The following ZNF248 variants were observed in gnomAD, a reference collection of about 807,000 sequenced individuals.
ZNF248 encodes zinc finger protein 248, also known as KRAB protein domain.
ZNF248 carries 20 observed loss-of-function variants against 44.3 expected under a neutral mutation model. The ratio of observed to expected loss-of-function variants is 0.45; its 90% CI spans 0.32 to 0.66. ZNF248 has a LOEUF of 0.66. Among genes scored for constraint, ZNF248 ranks in the 30% least tolerant of loss-of-function variants. The pLI is 0.04. For synonymous variants in ZNF248, 224 were observed against 229.0 expected, an observed-to-expected ratio of 0.98 and a Z score of 0.20; for missense variants, 654 against 677.0, an observed-to-expected ratio of 0.97 and a Z score of 0.38.
chr10:37,834,496 C>T (rs2056671823), intron 5 of ZNF248, among the ~76,000 whole-genome samples: 1 of 152,064 alleles, frequency 6.6e-6, no homozygotes, highest in African/African-American at 2.4e-5. Context: ...ATGATCTCTC[C>T]TAAATCTGGC....
chr10:37,821,938 C>T (rs577983214), intron 6 of ZNF248, among the ~76,000 whole-genome samples: 4 of 152,282 alleles, frequency 2.6e-5, no homozygotes, highest in East Asian at 1.9e-4. Flanking sequence ...ACCAGTTCTA[C>T]GCCCAGAACC....
the ZNF248 span, among the ~76,000 whole-genome samples, chr10:37,765,725 G>A: frequency 6.6e-6 from 1 of 152,206 alleles, no homozygotes; most frequent in Non-Finnish European, 1.5e-5. Flanking sequence ...CTAAGGTACT[G>A]GGTTCATCTC....
chr10:37,820,144 A>T (rs1564530894), intron 6 of ZNF248: 1 of 1,094,530 alleles, frequency 9.1e-7, no homozygotes, highest in African/African-American at 1.5e-5. Context: ...TAAATCATCT[A>T]TTCTTCCCTC....
chr10:37,790,037 G>A (rs1487067322), intron 6 of ZNF248, among the ~76,000 whole-genome samples: 4 of 150,978 alleles, frequency 2.6e-5, no homozygotes, highest in Admixed American at 2.0e-4. Flanking sequence ...TGAGGTGGGC[G>A]GATCACAAGG....
the ZNF248 span, among the ~76,000 whole-genome samples, chr10:37,765,999 C>T: frequency 2.2e-3 from 336 of 152,374 alleles, 1 homozygote; most frequent in African/African-American, 7.5e-3. Flanking sequence ...CCCACGGAGT[C>T]TCACTGATTG....
At chr10:37,758,693 T>C in the ZNF248 span, among the ~76,000 whole-genome samples, 1 of 152,350 alleles carries the variant, frequency 6.6e-6, no homozygotes, top group African/African-American at 2.4e-5. Context: ...TATTGCCTCA[T>C]GCAAGAAAAA....
chr10:37,845,018 TTTC>T (rs1456997465), intron 3 of ZNF248, among the ~76,000 whole-genome samples: 1 of 147,026 alleles, frequency 6.8e-6, no homozygotes, highest in African/African-American at 2.5e-5. Flanking sequence ...TCTCTCTTTC[TTTC>T]TTGTTTTTTT....
chr10:37,841,954 T>G (rs1207246135), intron 3 of ZNF248, among the ~76,000 whole-genome samples: 3 of 152,036 alleles, frequency 2.0e-5, no homozygotes, highest in African/African-American at 7.2e-5. Flanking sequence ...AAGAAGAGCC[T>G]AAGGAGACAT....
the ZNF248 span, among the ~76,000 whole-genome samples, chr10:37,770,802 C>T: frequency 6.2e-4 from 95 of 152,070 alleles, no homozygotes; most frequent in Middle Eastern, 0.014. Context: ...AGCTTCTGCA[C>T]AGCAAAAGAA....
intron 6 of ZNF248, chr10:37,819,702 C>A (rs1348681116): frequency 2.5e-6 from 2 of 786,170 alleles, no homozygotes; most frequent in Non-Finnish European, 4.7e-6. Flanking sequence ...TTGAAGATTT[C>A]TTCTTGTTCA....
intron 3 of ZNF248, among the ~76,000 whole-genome samples, chr10:37,843,010 CAA>C (rs930412010): frequency 4.6e-5 from 7 of 152,160 alleles, no homozygotes; most frequent in Admixed American, 1.3e-4. Flanking sequence ...AGCGCAGAGT[CAA>C]TGTGCAAAGA....
the ZNF248 span, among the ~76,000 whole-genome samples, chr10:37,769,720 G>T: frequency 6.6e-6 from 1 of 152,230 alleles, no homozygotes; most frequent in South Asian, 2.1e-4. Context: ...CACAAGACAG[G>T]GATGCCCTCT....
At chr10:37,796,701 T>C (rs561465792) in intron 6 of ZNF248, among the ~76,000 whole-genome samples, 2 of 152,226 alleles carry the variant, frequency 1.3e-5, no homozygotes, top group South Asian at 4.1e-4. Context: ...GGTTACCTTT[T>C]TTTTTTTTGC....
chr10:37,808,270 C>T (rs533724328), intron 6 of ZNF248, among the ~76,000 whole-genome samples: 2 of 149,736 alleles, frequency 1.3e-5, no homozygotes, highest in Non-Finnish European at 3.0e-5. Context: ...TGGTATATAA[C>T]CTTTTTTCTT....
chr10:37,820,716 A>G, intron 6 of ZNF248: 1 of 1,339,402 alleles, frequency 7.5e-7, no homozygotes, highest in Non-Finnish European at 1.1e-6. Context: ...TCACTCAAGG[A>G]TCCCATGCTG....
the ZNF248 span, among the ~76,000 whole-genome samples, chr10:37,765,158 T>C: frequency 6.6e-6 from 1 of 152,078 alleles, no homozygotes; most frequent in Non-Finnish European, 1.5e-5. Context: ...GGTTTCTCCA[T>C]GTCAGCCAGG....
chr10:37,777,896 C>T (rs1221944540), intron 6 of ZNF248, among the ~76,000 whole-genome samples: 36 of 152,004 alleles, frequency 2.4e-4, no homozygotes, highest in East Asian at 7.8e-4. Context: ...TAGTATTCCA[C>T]GGTGTATATG....
At chr10:37,845,041 G>A (rs1473822237) in intron 3 of ZNF248, among the ~76,000 whole-genome samples, 1 of 50,228 alleles carries the variant, frequency 2.0e-5, no homozygotes, top group Non-Finnish European at 4.3e-5. Context: ...TGGAGATGGG[G>A]GTCTCACTCT....
intron 3 of ZNF248, among the ~76,000 whole-genome samples, chr10:37,845,253 A>G (rs2059132203): frequency 6.6e-6 from 1 of 151,968 alleles, no homozygotes; most frequent in African/African-American, 2.4e-5. Context: ...CCTGGACTCA[A>G]GCGATTCACC....
Sources: allele counts gnomAD v4.1 joint callset (sites outside exome capture counted in the v4.1 genomes callset), GRCh38; gene constraint gnomAD v4.1.1; transcripts MANE v1.5; gene names NCBI Gene and HGNC (gene_info 2026-07-23, HGNC 2026-07-21).